Variants in PPP6R3 observed in about 807,000 individuals in gnomAD.
The protein encoded by PPP6R3 is protein phosphatase 6 regulatory subunit 3, also known as serine/threonine-protein phosphatase 6 regulatory subunit 3.
In PPP6R3, 38 loss-of-function variants were observed where a neutral mutation model predicts 110.7. The ratio of observed to expected loss-of-function variants is 0.34; its 90% confidence interval spans 0.26 to 0.45. PPP6R3 has a LOEUF of 0.45. Among genes scored for constraint, PPP6R3 ranks in the 20% least tolerant of loss-of-function variants. The pLI is 1.00. For synonymous variants in PPP6R3, 369 were observed against 373.5 expected (o/e 0.99, Z 0.14); for missense variants, 870 against 1,062.4 (o/e 0.82, Z 2.52).
At chr11:68,461,352 G>A (rs144248902) in intron 1 of PPP6R3, among the ~76,000 whole-genome samples, 2,034 of 152,142 alleles carry the variant, frequency 0.013, 30 homozygotes, top group African/African-American at 0.033. Flanking sequence ...GTGGGTTTCT[G>A]TTAATTCGCC....
At chr11:68,558,759 C>G (rs2099408505) in intron 8 of PPP6R3, 80 bp downstream of exon 8, 2 of 1,073,720 alleles carry the variant, frequency 1.9e-6, no homozygotes, top group Admixed American at 2.0e-5. Flanking sequence ...AGTGGATAAG[C>G]TGTAATAGCG....
chr11:68,546,398 G>C (rs1468117696), intron 4 of PPP6R3, among the ~76,000 whole-genome samples: 1 of 152,126 alleles, frequency 6.6e-6, no homozygotes, highest in Non-Finnish European at 1.5e-5. Flanking sequence ...CCAAGTTGGC[G>C]AGCCCCGATT....
chr11:68,536,736 G>C (rs954698764), intron 2 of PPP6R3, among the ~76,000 whole-genome samples: 1 of 152,152 alleles, frequency 6.6e-6, no homozygotes. Flanking sequence ...CTTATATGTA[G>C]GTTTTCGTTT....
At chr11:68,520,489 G>A (rs926085380) in intron 2 of PPP6R3, among the ~76,000 whole-genome samples, 9 of 152,146 alleles carry the variant, frequency 5.9e-5, no homozygotes, top group African/African-American at 1.9e-4. Context: ...AGGGGTCTCT[G>A]CTTCTAACTG....
intron 14 of PPP6R3, among the ~76,000 whole-genome samples, chr11:68,578,339 G>T (rs2099540005): frequency 6.6e-6 from 1 of 152,174 alleles, no homozygotes; most frequent in Non-Finnish European, 1.5e-5. Context: ...GAAAAAGAGT[G>T]CCCATGTTTG....
chr11:68,566,317 C>T lies in PPP6R3; in HGVS notation c.976-697C>T, dbSNP rs79557767. The stretch of plus-strand genomic sequence containing the variant: ...TTATTCTTCCTTCCTCCTCCTCCTT[C>T]CTCCTTCTCTTTCCTCCTCCTCCTC... On this transcript the variant is annotated intron_variant, in intron 9 of 23. Coordinates refer to ENST00000393800, the MANE Select transcript of PPP6R3 (RefSeq NM_001164161.2). Among the ~76,000 whole-genome samples the T allele has an allele frequency of 4.8e-3, 731 of 151,636 alleles. 15 individuals are homozygous for T. In the East Asian group the frequency reaches 0.06, roughly 12 times the overall value.
At chr11:68,559,071 G>A (rs563815236) in intron 8 of PPP6R3, among the ~76,000 whole-genome samples, 22 of 152,322 alleles carry the variant, frequency 1.4e-4, no homozygotes, top group South Asian at 1.0e-3. Context: ...CATTCAGAAC[G>A]TCTCTCTGTC....
At chr11:68,483,443 T>G (rs2098928228) in intron 1 of PPP6R3, among the ~76,000 whole-genome samples, 1 of 152,240 alleles carries the variant, frequency 6.6e-6, no homozygotes, top group Non-Finnish European at 1.5e-5. Context: ...TTGTTAGAGT[T>G]GATGAACCTA....
intron 6 of PPP6R3, 166 bp downstream of exon 6, chr11:68,551,352 AT>A (rs2099374452): frequency 1.7e-6 from 1 of 580,566 alleles, no homozygotes; most frequent in Admixed American, 3.4e-5. Context: ...ACAATATTAC[AT>A]TTTGCCAATA....
intron 14 of PPP6R3, among the ~76,000 whole-genome samples, chr11:68,576,659 G>A (rs1292176495): frequency 6.6e-6 from 1 of 152,058 alleles, no homozygotes. Context: ...GCTTTTTTCT[G>A]CTTTTAAAGA....
intron 18 of PPP6R3, among the ~76,000 whole-genome samples, chr11:68,592,707 T>C (rs2099599281): frequency 1.3e-5 from 2 of 152,220 alleles, no homozygotes; most frequent in South Asian, 4.1e-4. Flanking sequence ...AGATAGCTGC[T>C]ATAGCTCCAG....
chr11:68,582,997 A>T (rs1359175756), intron 14 of PPP6R3, 46 bp from the exon 15 acceptor site: 2 of 1,328,100 alleles, frequency 1.5e-6, no homozygotes, highest in East Asian at 5.3e-5. Context: ...ACAAATGTCC[A>T]AAACTTTTCT....
intron 2 of PPP6R3, among the ~76,000 whole-genome samples, chr11:68,527,626 T>TTTC (rs33913582): frequency 1 from 152,150 of 152,374 alleles, 75,964 homozygotes; most frequent in Middle Eastern, 1. Context: ...TTCAGAATTG[T>TTTC]TCTATGTTAT....
intron 1 of PPP6R3, among the ~76,000 whole-genome samples, chr11:68,483,660 T>G (rs1428116600): frequency 6.6e-6 from 1 of 152,218 alleles, no homozygotes; most frequent in Non-Finnish European, 1.5e-5. Context: ...TTTTGTGTTT[T>G]TAGTAGAGAC....
At chr11:68,595,750 C>T (rs1348503123) in intron 18 of PPP6R3, among the ~76,000 whole-genome samples, 1 of 152,100 alleles carries the variant, frequency 6.6e-6, no homozygotes, top group Non-Finnish European at 1.5e-5. Context: ...TATAAGATGG[C>T]AAATAAGCAT....
chr11:68,543,604 G>A (rs2099330423), intron 3 of PPP6R3, among the ~76,000 whole-genome samples: 1 of 152,128 alleles, frequency 6.6e-6, no homozygotes, highest in Admixed American at 6.5e-5. Flanking sequence ...TCGTATACGT[G>A]TCCCTCCTGC....
intron 1 of PPP6R3, among the ~76,000 whole-genome samples, chr11:68,504,392 A>G (rs2153496750): frequency 6.6e-6 from 1 of 152,102 alleles, no homozygotes; most frequent in Admixed American, 6.5e-5. Context: ...CTGACCCTCT[A>G]CTTTTTCACG....
At position 68,593,373 on chromosome 11, in the gene PPP6R3, TTGG is replaced by T. The variant is rs58349819; in HGVS notation, c.1916+1668_1916+1670del. On this transcript the variant is annotated intron_variant, in intron 18 of 23. Transcript: ENST00000393800. The stretch of plus-strand genomic sequence containing the variant: ...GTAGTCCATTTCTATTTTTGTGGGG[TTGG>T]GCAGGGGCTGGGTAGTATTCCATTA... Among the ~76,000 whole-genome samples the T allele has an allele frequency of 9.1e-3, 1,379 of 152,252 alleles. 18 individuals carry two copies. The highest frequency in any genetic ancestry group is 0.032 in the African/African-American group (1,322 of 41,538).
chr11:68,485,047 C>A (rs183866648), intron 1 of PPP6R3, among the ~76,000 whole-genome samples: 1 of 152,112 alleles, frequency 6.6e-6, no homozygotes, highest in Admixed American at 6.5e-5. Context: ...TTGTTTAGTT[C>A]TTCTTTGGGG....
Sources: gnomAD v4.1 joint callset for allele counts (sites outside exome capture counted in the v4.1 genomes callset) on GRCh38, gnomAD v4.1.1 for gene constraint, MANE v1.5 for transcripts, NCBI Gene and HGNC (gene_info 2026-07-23, HGNC 2026-07-21) for gene names.